TYMP: variants seen among roughly 807,000 people sequenced by gnomAD.
The protein encoded by TYMP is thymidine phosphorylase, also known as gliostatin.
TYMP carries 46 observed loss-of-function variants against 42.3 expected under a neutral mutation model. The ratio of observed to expected loss-of-function variants is 1.09; its 90% CI spans 0.86 to 1.39. The LOEUF is 1.39. TYMP is among the 40% of genes most tolerant of loss of function. TYMP has a pLI of 0.00. For synonymous variants in TYMP, 363 were observed against 308.0 expected (o/e 1.18, Z -1.87); for missense variants, 837 against 677.6 (o/e 1.24, Z -2.61).
At position 50,526,438 on chromosome 22, in the gene TYMP, G is replaced by A. The variant is rs1206274053; in HGVS notation, c.967C>T (p.Gln323Ter). The A allele has an allele frequency of 2.0e-6, 3 of 1,497,886 alleles. No individual in the cohort carries two copies. The South Asian group carries it at 3.8e-5, about 19-fold the overall frequency. 92.8% of individuals were successfully genotyped at this position (1,497,886 alleles called of 1,614,324 possible). A position where few individuals can be genotyped will look rare whatever the true frequency, so the allele number is the denominator to read the frequency against. ...GCCACCCGGGCAGCGCCCTGGGCCT[G>A]AGTCCCCGCGTGTCCGCTGAGCCAG... ...LLWLSGHAGT[Q>*]AQGAARVAAA... is the part of the protein sequence containing the mutation. The change falls in exon 8 of 10, where the codon CAG (glutamine) becomes TAG (stop). Residue 323 changes from glutamine to a stop codon, truncating the protein, a stop_gained. Coordinates refer to ENST00000252029, the MANE Select transcript of TYMP (RefSeq NM_001953.5). LOFTEE classifies it high-confidence loss of function.
At chr22:50,527,526 G>T in intron 5 of TYMP, 62 bp downstream of exon 5, 2 of 1,613,172 alleles carry the variant, frequency 1.2e-6, no homozygotes, top group Non-Finnish European at 1.7e-6. Context: ...AGAGGCCCTT[G>T]ACTTGAGTTT....
intron 8 of TYMP, 35 bp downstream of exon 8, chr22:50,526,211 G>A: frequency 6.7e-7 from 1 of 1,497,242 alleles, no homozygotes; most frequent in Non-Finnish European, 8.9e-7. Flanking sequence ...AGGGGATGGC[G>A]GAGGCGGAAG....
chr22:50,528,212 C>T, intron 4 of TYMP: 1 of 465,858 alleles, frequency 2.1e-6, no homozygotes, highest in Non-Finnish European at 4.0e-6. Context: ...GCCGTGTTAT[C>T]CAGGCTGGTT....
rs761731062 is a variant in TYMP, at chr22:50,529,116, GA to G, written c.417+19del. On this transcript the variant is annotated intron_variant, in intron 3 of 9. Coordinates refer to ENST00000252029, the MANE Select transcript of TYMP (RefSeq NM_001953.5). ...CATGTGCGGTATAGGCTCCCGTCTG[GA>G]AAGGAGGTGGTTTCTAACCTTGCAG... The G allele has an allele frequency of 3.1e-6, 5 of 1,612,544 alleles. No individual in the cohort carries two copies. Among genetic ancestry groups the G allele is most frequent in the Non-Finnish European group, 3.4e-6 (4 of 1,179,718 alleles).
rs2148679779 is a variant in TYMP, at chr22:50,527,235, A to AC, written c.694dup (p.Val232GlyfsTer4). On this transcript the variant is annotated frameshift_variant, in exon 6 of 10. Transcript: ENST00000252029. LOFTEE classifies it high-confidence loss of function. ...GGCGGCCCCTCCGAACTTAACGTCC[A>AC]CCACCAGAGCGGACAGCCCCTCCAC... 1 of 1,613,652 alleles carries AC rather than the reference A, an allele frequency of 6.2e-7. No individual in the cohort carries two copies.
At chr22:50,528,964 G>T in intron 3 of TYMP, 172 bp downstream of exon 3, 2 of 750,704 alleles carry the variant, frequency 2.7e-6, no homozygotes, top group Non-Finnish European at 4.5e-6. Flanking sequence ...GGCCCCAAGC[G>T]CTGTGCTGGG....
In TYMP at chr22:50,526,123, C is replaced by G; in HGVS notation, c.1178G>C (p.Arg393Pro). ...APADGTVELV[R>P]ALPLALVLHE... ...CAGCACCAGCGCCAGCGGCAGCGCC[C>G]GGACCAGCTCCACGGTGCCTGCGGG... Residue 393 changes from arginine to proline, a missense_variant, in exon 9 of 10, where the codon CGG becomes CCG. By Grantham distance (103) the Arg-to-Pro change is moderately radical (BLOSUM62 -2). Transcript: ENST00000252029. 6.7e-7 allele frequency: 1 copy of G among 1,488,366 alleles called. No individual in the cohort carries two copies. Among genetic ancestry groups the G allele is most frequent in the Non-Finnish European group, 8.9e-7 (1 of 1,127,312 alleles). 92.2% of individuals were successfully genotyped at this position (1,488,366 alleles called of 1,614,324 possible).
In TYMP at chr22:50,526,339, G is replaced by T. The variant is rs2069374700; in HGVS notation, c.1066C>A (p.Leu356Met). The T allele has an allele frequency of 2.6e-6, 4 of 1,560,298 alleles. No individual in the cohort carries two copies. Among genetic ancestry groups the T allele is most frequent in the Non-Finnish European group, 8.6e-7 (1 of 1,164,186 alleles). The change falls in exon 8 of 10, where the codon CTG becomes ATG. Residue 356 changes from leucine (L) to methionine (M), a missense_variant. Physicochemically the swap from Leu to Met is conservative, Grantham distance 15. Transcript: ENST00000252029. ...MLAAQGVDPG[L>M]ARALCSGSPA... ...CTTCCCGAGCACAGGGCTCGGGCCA[G>T]ACCGGGATCCACGCCCTGCGCCGCC... is the stretch of plus-strand genomic sequence containing the variant.
rs2069350775 is a variant in TYMP, at chr22:50,526,062, C to T, written c.1239G>A (p.Glu413=). ...ELGAGRSRAG[E]PLRLGVGAEL... ...CTGCGCCCACCCCCAGGCGGAGCGG[C>T]TCCCCAGCGCGGCTGCGCCCGGCCC... Residue 413 remains glutamate, a synonymous_variant, in exon 9 of 10, where the codon GAG becomes GAA. Coordinates refer to ENST00000252029, the MANE Select transcript of TYMP (RefSeq NM_001953.5). 4 of 1,482,748 alleles carry T rather than the reference C, an allele frequency of 2.7e-6. No homozygotes were observed. The highest frequency in any genetic ancestry group is 3.6e-6 in the Non-Finnish European group (4 of 1,124,396). 91.8% of individuals were successfully genotyped at this position (1,482,748 alleles called of 1,614,324 possible). A position where few individuals can be genotyped will look rare whatever the true frequency, so the allele number is the denominator to read the frequency against.
chr22:50,526,483 G>C lies in TYMP; in HGVS notation c.929-7C>G, dbSNP rs1234167796. ...AGCCAGAGCAGGGCGCCCCCTGCGGGCGGGGACGGGTCTTAGGCGCGGCCG... is the reference window on the plus strand; with the variant it reads ...AGCCAGAGCAGGGCGCCCCCTGCGGCCGGGGACGGGTCTTAGGCGCGGCCG... On this transcript the variant is annotated splice_region_variant and splice_polypyrimidine_tract_variant and intron_variant, in intron 7 of 9. Coordinates refer to ENST00000252029, the MANE Select transcript of TYMP (RefSeq NM_001953.5). The C allele has an allele frequency of 2.0e-6, 3 of 1,491,240 alleles. No homozygotes were observed. The highest frequency in any genetic ancestry group is 2.3e-5 in the Admixed American group (1 of 44,330). The allele number at this position is 1,491,240 out of a possible 1,614,324, so 92.4% of individuals were successfully genotyped here.
At chr22:50,528,733 C>G in intron 3 of TYMP, 123 bp from the exon 4 acceptor site, 1 of 783,752 alleles carries the variant, frequency 1.3e-6, no homozygotes, top group Non-Finnish European at 2.2e-6. Context: ...TATAGGGGTG[C>G]CCAGCTGGTG....
In TYMP at chr22:50,527,220, C is replaced by G. The variant is rs2069423149; in HGVS notation, c.710G>C (p.Gly237Ala). 2.5e-6 allele frequency: 4 copies of G among 1,613,628 alleles called. No homozygotes were observed. The highest frequency in any genetic ancestry group is 3.4e-6 in the Non-Finnish European group (4 of 1,180,016). Residue 237 changes from glycine to alanine, a missense_variant, in exon 6 of 10, where the codon GGA becomes GCA. Transcript: ENST00000252029. ...CTGGTTGGGGAAGACGGCGGCCCCT[C>G]CGAACTTAACGTCCACCACCAGAGC... Reference protein sequence around the residue: ...LSALVVDVKFGGAAVFPNQEQ... With the variant: ...LSALVVDVKFAGAAVFPNQEQ...
chr22:50,529,466 GGTCA>G (rs1450443218), intron 2 of TYMP, 26 bp downstream of exon 2: 1 of 1,610,578 alleles, frequency 6.2e-7, no homozygotes, highest in Non-Finnish European at 8.5e-7. Context: ...TCCCAGTCGG[GGTCA>G]GGAACGCCCA....
Position 50,529,900 on chromosome 22 carries a change from G to C in TYMP, c.-11+4C>G, listed in dbSNP as rs1290438516. On this transcript the variant is annotated splice_donor_region_variant and intron_variant, in intron 1 of 9. Transcript: ENST00000252029. Reference sequence around the variant, plus strand: ...CCGCCTCGCGACTTGAGCCCCGCCCGTACCTGCTTAGGGCGCTGCCCTCGC... The same window carrying C: ...CCGCCTCGCGACTTGAGCCCCGCCCCTACCTGCTTAGGGCGCTGCCCTCGC... 3 of 627,650 alleles carry C rather than the reference G, an allele frequency of 4.8e-6. No individual in the cohort carries two copies. Among genetic ancestry groups the C allele is most frequent in the Non-Finnish European group, 8.3e-6 (3 of 361,142 alleles). The allele number at this position is 627,650 out of a possible 1,614,324, so 38.9% of individuals were successfully genotyped here.
chr22:50,526,104 C>T lies in TYMP; in HGVS notation c.1197G>A (p.Leu399=), dbSNP rs1466294701. The change falls in exon 9 of 10, where the codon CTG becomes CTA. Residue 399 remains leucine (L), a synonymous_variant. Coordinates refer to ENST00000252029, the MANE Select transcript of TYMP (RefSeq NM_001953.5). ...VELVRALPLA[L]VLHELGAGRS... ...GCCCGGCCCCGAGCTCGTGCAGCAC[C>T]AGCGCCAGCGGCAGCGCCCGGACCA... is the stretch of plus-strand genomic sequence containing the variant. 2 of 1,489,822 alleles carry T rather than the reference C, an allele frequency of 1.3e-6. No individual in the cohort carries two copies. Among genetic ancestry groups the T allele is most frequent in the Admixed American group, 2.2e-5 (1 of 45,130 alleles). The allele number at this position is 1,489,822 out of a possible 1,614,324, so 92.3% of individuals were successfully genotyped here. A position where few individuals can be genotyped will look rare whatever the true frequency, so the allele number is the denominator to read the frequency against.
intron 3 of TYMP, 141 bp downstream of exon 3, chr22:50,528,995 T>C (rs2069491213): frequency 3.6e-6 from 3 of 842,620 alleles, no homozygotes; most frequent in Non-Finnish European, 5.7e-6. Context: ...GGGAGAACTG[T>C]GCTGGGGAGC....
chr22:50,529,161 G>A lies in TYMP; in HGVS notation c.392C>T (p.Pro131Leu). The change falls in exon 3 of 10, where the codon CCT becomes CTT. Residue 131 changes from proline to leucine, a missense_variant. Pro to Leu is a moderately conservative substitution (Grantham distance 98). Coordinates refer to ENST00000252029, the MANE Select transcript of TYMP (RefSeq NM_001953.5). ...VGDKVSLVLA[P>L]ALAACGCKVP... ...CTTGCAGCCACATGCCGCCAGGGCAGGTGCGAGGACCAGGCTGACCTTGTC... is the reference window on the plus strand; with the variant it reads ...CTTGCAGCCACATGCCGCCAGGGCAAGTGCGAGGACCAGGCTGACCTTGTC... 6.2e-7 allele frequency: 1 copy of A among 1,613,246 alleles called. No homozygotes were observed. Among genetic ancestry groups the A allele is most frequent in the Non-Finnish European group, 8.5e-7 (1 of 1,180,010 alleles).
At chr22:50,529,425 C>A (rs1328054771) in intron 2 of TYMP, 71 bp downstream of exon 2, 89 of 1,605,526 alleles carry the variant, frequency 5.5e-5, no homozygotes, top group Admixed American at 1.0e-4. Flanking sequence ...ACCGTCGCAC[C>A]CCCAGGGACC....
chr22:50,529,815 G>T, intron 1 of TYMP, 89 bp downstream of exon 1: 1 of 1,058,004 alleles, frequency 9.5e-7, no homozygotes, highest in Non-Finnish European at 1.4e-6. Flanking sequence ...GTGTCTCTCC[G>T]GTGTCCGCCC....
Sources: gnomAD v4.1 joint callset for allele counts on GRCh38, gnomAD v4.1.1 for gene constraint, MANE v1.5 for transcripts, NCBI Gene and HGNC (gene_info 2026-07-23, HGNC 2026-07-21) for gene names.